The following DDX46 variants were observed in gnomAD, a reference collection of about 807,000 sequenced individuals.
The protein encoded by DDX46 is probable ATP-dependent RNA helicase DDX46.
DDX46 carries 30 observed loss-of-function variants against 134.9 expected under a neutral mutation model. The ratio of observed to expected loss-of-function variants is 0.22; its 90% CI spans 0.17 to 0.30. The LOEUF (loss-of-function observed/expected upper bound fraction) is 0.30. Among genes scored for constraint, DDX46 ranks in the 10% least tolerant of loss-of-function variants. DDX46 has a pLI of 1.00. For synonymous variants in DDX46, 415 were observed against 404.1 expected, an observed-to-expected ratio of 1.03 and a Z score of -0.32; for missense variants, 622 against 1,248.7, an observed-to-expected ratio of 0.50 and a Z score of 7.56.
At chr5:134,814,648 A>C (rs1236481949) in intron 18 of DDX46, among the ~76,000 whole-genome samples, 2 of 152,114 alleles carry the variant, frequency 1.3e-5, no homozygotes, top group Non-Finnish European at 2.9e-5. Flanking sequence ...ACAGGATCTC[A>C]CTCCATCAAC....
intron 20 of DDX46, among the ~76,000 whole-genome samples, chr5:134,818,422 C>T (rs1755343950): frequency 6.6e-6 from 1 of 151,144 alleles, no homozygotes. Context: ...GACCATAGGG[C>T]CCGGTGAGGT....
chr5:134,795,023 C>T lies in DDX46; in HGVS notation c.1791+9C>T. Reference sequence around the variant, plus strand: ...ATGTGGAGCAACAAGTGGTGGGTACCATCTTTAGGAAATTCCCAGTTTCCT... The same window carrying T: ...ATGTGGAGCAACAAGTGGTGGGTACTATCTTTAGGAAATTCCCAGTTTCCT... On this transcript the variant is annotated intron_variant, in intron 14 of 22. Transcript: ENST00000452510. The T allele has an allele frequency of 6.2e-7, 1 of 1,612,182 alleles. No homozygotes were observed. Among genetic ancestry groups the T allele is most frequent in the Non-Finnish European group, 8.5e-7 (1 of 1,179,132 alleles).
At chr5:134,811,874 T>C (rs1755154477) in intron 18 of DDX46, 29 bp downstream of exon 18, 2 of 1,596,346 alleles carry the variant, frequency 1.3e-6, no homozygotes, top group East Asian at 2.2e-5. Flanking sequence ...TCATTCTTAA[T>C]TGAAGCAGTT....
chr5:134,811,993 A>G (rs1451909003), intron 18 of DDX46, 148 bp downstream of exon 18: 4 of 738,018 alleles, frequency 5.4e-6, no homozygotes, highest in Non-Finnish European at 6.3e-6. Flanking sequence ...TCTGCCTACT[A>G]CATACCAGTA....
At chr5:134,804,382 A>G (rs1164829923) in intron 15 of DDX46, among the ~76,000 whole-genome samples, 1 of 152,222 alleles carries the variant, frequency 6.6e-6, no homozygotes. Flanking sequence ...CACTCCAATT[A>G]TCTTCCATTA....
intron 1 of DDX46, among the ~76,000 whole-genome samples, chr5:134,762,198 G>A (rs1156556063): frequency 6.7e-6 from 1 of 149,492 alleles, no homozygotes; most frequent in Non-Finnish European, 1.5e-5. Context: ...GATGCTTGAG[G>A]CCGGGAGGTT....
intron 15 of DDX46, among the ~76,000 whole-genome samples, chr5:134,803,030 C>T (rs1386741707): frequency 2.0e-5 from 3 of 152,176 alleles, no homozygotes; most frequent in Admixed American, 2.0e-4. Context: ...GAGTCTTGCT[C>T]TGTCTCCCAG....
At chr5:134,811,483 T>A in intron 17 of DDX46, 125 bp downstream of exon 17, 1 of 1,329,380 alleles carries the variant, frequency 7.5e-7, no homozygotes, top group Non-Finnish European at 1.0e-6. Context: ...TATTTCTCTC[T>A]AGAGGGAAAA....
chr5:134,811,148 G>A (rs1309937369), intron 16 of DDX46, 73 bp from the exon 17 acceptor site: 2 of 1,356,636 alleles, frequency 1.5e-6, no homozygotes, highest in Non-Finnish European at 2.0e-6. Flanking sequence ...AGGTGGATCA[G>A]ATTTTATCTT....
intron 10 of DDX46, 66 bp downstream of exon 10, chr5:134,784,607 A>G (rs1754274285): frequency 1.4e-6 from 2 of 1,477,668 alleles, no homozygotes; most frequent in Admixed American, 2.3e-5. Flanking sequence ...AAGACCTTAT[A>G]GTTTATAATG....
At chr5:134,811,605 A>G in intron 17 of DDX46, 91 bp from the exon 18 acceptor site, 1 of 1,394,180 alleles carries the variant, frequency 7.2e-7, no homozygotes, top group African/African-American at 1.4e-5. Flanking sequence ...TTACATTGAC[A>G]TACACCACCT....
intron 21 of DDX46, 84 bp from the exon 22 acceptor site, chr5:134,826,863 T>C (rs1430519418): frequency 1.1e-5 from 15 of 1,354,682 alleles, no homozygotes; most frequent in Non-Finnish European, 1.5e-5. Flanking sequence ...TCACCTACAG[T>C]GTTTCTTCCT....
At chr5:134,797,334 G>A (rs191618444) in intron 15 of DDX46, 40 of 213,492 alleles carry the variant, frequency 1.9e-4, no homozygotes, top group Middle Eastern at 5.7e-4. Flanking sequence ...TTCAATTTGC[G>A]CAGAGCTCAC....
At position 134,816,621 on chromosome 5, in the gene DDX46, C is replaced by T; in HGVS notation, c.2613+15C>T. 6.2e-7 allele frequency: 1 copy of T among 1,608,050 alleles called. No homozygotes were observed. The highest frequency in any genetic ancestry group is 8.5e-7 in the Non-Finnish European group (1 of 1,178,726). On this transcript the variant is annotated intron_variant, in intron 19 of 22. Coordinates refer to ENST00000452510, the MANE Select transcript of DDX46 (RefSeq NM_001300860.2). ...AGTCTCAGGTATTAAGTAATTTGTT[C>T]CAAGTCTCAGTCAATACTTTTAAGA...
chr5:134,827,682 T>G (rs1420259984), intron 22 of DDX46, among the ~76,000 whole-genome samples: 1 of 152,158 alleles, frequency 6.6e-6, no homozygotes, highest in African/African-American at 2.4e-5. Flanking sequence ...ACTCAACATT[T>G]TGAGGAGATC....
intron 20 of DDX46, 121 bp downstream of exon 20, chr5:134,817,835 G>C: frequency 1.3e-6 from 1 of 791,162 alleles, no homozygotes; most frequent in Non-Finnish European, 2.0e-6. Context: ...CTAAATGGAG[G>C]ATATAACAAT....
intron 12 of DDX46, chr5:134,790,228 C>T: frequency 1.7e-6 from 1 of 599,644 alleles, no homozygotes; most frequent in East Asian, 3.5e-5. Flanking sequence ...TGATGGTATG[C>T]AAGAGACGAG....
chr5:134,791,489 C>T (rs868435346), intron 13 of DDX46, among the ~76,000 whole-genome samples: 1 of 150,670 alleles, frequency 6.6e-6, no homozygotes. Context: ...TGAACCCGGG[C>T]GGCGGAGCTT....
chr5:134,770,037 A>C (rs1753711574), intron 3 of DDX46, among the ~76,000 whole-genome samples: 1 of 152,050 alleles, frequency 6.6e-6, no homozygotes, highest in South Asian at 2.1e-4. Context: ...ATTGGAATAC[A>C]AGTCTAATAA....
Sources: gnomAD v4.1 joint callset for allele counts (sites outside exome capture counted in the v4.1 genomes callset) on GRCh38, gnomAD v4.1.1 for gene constraint, MANE v1.5 for transcripts, NCBI Gene and HGNC (gene_info 2026-07-23, HGNC 2026-07-21) for gene names.